NICN1: variants seen among roughly 807,000 people sequenced by gnomAD.
NICN1 encodes the protein nicolin 1, tubulin polyglutamylase complex subunit, also known as nicolin-1.
Under a neutral mutation model 26.3 loss-of-function variants are expected in NICN1, and 18 were observed. The observed-to-expected ratio is 0.68, with a 90% CI of 0.47 to 1.01. The LOEUF (loss-of-function observed/expected upper bound fraction) is 1.01. NICN1 is among the 50% of genes least tolerant of loss of function. NICN1 has a pLI of 0.00. For missense variants in NICN1, 239 were observed against 278.3 expected (o/e 0.86, Z 1.00); for synonymous variants, 109 against 111.0 (o/e 0.98, Z 0.11).
chr3:49,422,499 A>C lies in NICN1; in HGVS notation c.*2334T>G. ...GGCGCACAGAGGCCACCACACTGCC[A>C]GGCACGCCGGGAGATGTAGTCCAGG... is the stretch of plus-strand genomic sequence containing the variant. On this transcript the variant is annotated 3_prime_UTR_variant, in exon 6 of 6. Coordinates refer to ENST00000273598, the MANE Select transcript of NICN1 (RefSeq NM_032316.3). 6.3e-7 allele frequency: 1 copy of C among 1,577,186 alleles called. No individual in the cohort carries two copies. Among genetic ancestry groups the C allele is most frequent in the Middle Eastern group, 1.7e-4 (1 of 6,008 alleles).
intron 3 of NICN1, 90 bp from the exon 4 acceptor site, chr3:49,425,528 G>T: frequency 3.7e-6 from 4 of 1,085,786 alleles, no homozygotes; most frequent in East Asian, 2.5e-5. Flanking sequence ...GAGAAGGGCC[G>T]CTGGGCCTCA....
intron 1 of NICN1, among the ~76,000 whole-genome samples, chr3:49,427,644 G>GAAAAAAAAAAAAA (rs58773326): frequency 1.9e-5 from 2 of 102,822 alleles, no homozygotes; most frequent in Admixed American, 1.1e-4. Context: ...CTACCTCTCA[G>GAAAAAAAAAAAAA]AAAAAAAAAA....
At position 49,425,392 on chromosome 3, in the gene NICN1, C is replaced by G. The variant is rs776139122; in HGVS notation, c.470G>C (p.Cys157Ser). 1.2e-6 allele frequency: 2 copies of G among 1,613,336 alleles called. No individual in the cohort carries two copies. The highest frequency in any genetic ancestry group is 4.5e-5 in the East Asian group (2 of 44,864). ...FPKWLSHPVPCEQPALLREGL... is the reference protein window; with the variant it reads ...FPKWLSHPVPSEQPALLREGL... ...CTCACGGAGGAGTGCAGGTTGCTCACAGGGCACTGGGTGGGAGAGCCACTT... is the reference window on the plus strand; with the variant it reads ...CTCACGGAGGAGTGCAGGTTGCTCAGAGGGCACTGGGTGGGAGAGCCACTT... The change falls in exon 4 of 6, where the codon TGT becomes TCT. Residue 157 changes from cysteine (C) to serine (S), a missense_variant. Cys to Ser is a moderately radical substitution (Grantham distance 112). Transcript: ENST00000273598.
In NICN1 at chr3:49,422,525, C is replaced by G; in HGVS notation, c.*2308G>C. The G allele has an allele frequency of 1.4e-6, 2 of 1,473,688 alleles. No homozygotes were observed. The highest frequency in any genetic ancestry group is 1.9e-6 in the Non-Finnish European group (2 of 1,068,318). The allele number at this position is 1,473,688 out of a possible 1,614,324, so 91.3% of individuals were successfully genotyped here. A position where few individuals can be genotyped will look rare whatever the true frequency, so the allele number is the denominator to read the frequency against. ...GGCACGCCGGGAGATGTAGTCCAGGCCTCTGCTCGGACAGGTCTCTCTCCG... is the reference window on the plus strand; with the variant it reads ...GGCACGCCGGGAGATGTAGTCCAGGGCTCTGCTCGGACAGGTCTCTCTCCG... On this transcript the variant is annotated 3_prime_UTR_variant, in exon 6 of 6. Coordinates refer to ENST00000273598, the MANE Select transcript of NICN1 (RefSeq NM_032316.3).
Position 49,429,102 on chromosome 3 carries a change from GC to G in NICN1, c.132+5del. 6.2e-7 allele frequency: 1 copy of G among 1,600,972 alleles called. No individual in the cohort carries two copies. The highest frequency in any genetic ancestry group is 8.5e-7 in the Non-Finnish European group (1 of 1,173,736). ...AGCCTCGGTCGCGCCCACCAGGCTT[GC>G]TCACCTCGAAGGGAGCGACGCTGGG... On this transcript the variant is annotated splice_donor_5th_base_variant and intron_variant, in intron 1 of 5. Coordinates refer to ENST00000273598, the MANE Select transcript of NICN1 (RefSeq NM_032316.3).
intron 4 of NICN1, 31 bp from the exon 5 acceptor site, chr3:49,425,084 G>T (rs752042925): frequency 1.3e-6 from 2 of 1,576,160 alleles, no homozygotes; most frequent in African/African-American, 2.7e-5. Context: ...AGTGGCCATG[G>T]GTCTCTCCCC....
Position 49,426,207 on chromosome 3 carries a change from A to G in NICN1, c.309+45T>C, listed in dbSNP as rs139249533. ...TTGATCCAATCCCCCCACCTCTGGTAAGTCCTCATCTGGGCTGCCCTGGCC... is the reference window on the plus strand; with the variant it reads ...TTGATCCAATCCCCCCACCTCTGGTGAGTCCTCATCTGGGCTGCCCTGGCC... On this transcript the variant is annotated intron_variant, in intron 2 of 5. Coordinates refer to ENST00000273598, the MANE Select transcript of NICN1 (RefSeq NM_032316.3). 64 of 1,588,886 alleles carry G rather than the reference A, an allele frequency of 4.0e-5. No homozygotes were observed. In the African/African-American group the frequency reaches 7.9e-4, roughly 20 times the overall value.
At position 49,422,441 on chromosome 3, in the gene NICN1, C is replaced by T. The variant is rs753829515; in HGVS notation, c.*2392G>A. 6.2e-6 allele frequency: 10 copies of T among 1,613,284 alleles called. No individual in the cohort carries two copies. The highest frequency in any genetic ancestry group is 7.6e-6 in the Non-Finnish European group (9 of 1,179,946). ...CCCAGACGGGCCACCACACTTACAG[C>T]CCTCTGCATCGTCGCCTGCAACGAG... On this transcript the variant is annotated 3_prime_UTR_variant, in exon 6 of 6. Coordinates refer to ENST00000273598, the MANE Select transcript of NICN1 (RefSeq NM_032316.3).
chr3:49,429,313 C>G lies in NICN1; in HGVS notation c.-74G>C. 6.7e-7 allele frequency: 1 copy of G among 1,482,500 alleles called. No individual in the cohort carries two copies. The highest frequency in any genetic ancestry group is 9.0e-7 in the Non-Finnish European group (1 of 1,109,694). The allele number at this position is 1,482,500 out of a possible 1,614,324, so 91.8% of individuals were successfully genotyped here. A position where few individuals can be genotyped will look rare whatever the true frequency, so the allele number is the denominator to read the frequency against. ...CACCAGCCCTTCCCGGCATCCTCAG[C>G]CGAGCCTCAAGAACTACAAATCCCG... On this transcript the variant is annotated 5_prime_UTR_variant, in exon 1 of 6. Transcript: ENST00000273598.
At chr3:49,426,110 G>T in intron 2 of NICN1, 114 bp from the exon 3 acceptor site, 1 of 1,102,336 alleles carries the variant, frequency 9.1e-7, no homozygotes, top group East Asian at 2.5e-5. Context: ...GGAAGGAACA[G>T]TAGTCCCTCC....
At chr3:49,425,463 T>C in intron 3 of NICN1, 25 bp from the exon 4 acceptor site, 2 of 1,584,946 alleles carry the variant, frequency 1.3e-6, no homozygotes, top group Non-Finnish European at 8.6e-7. Flanking sequence ...TGTACTGCCC[T>C]GAGTGAGACA....
chr3:49,426,030 C>A (rs2107941962), intron 2 of NICN1, 34 bp from the exon 3 acceptor site: 3 of 1,410,074 alleles, frequency 2.1e-6, no homozygotes, highest in South Asian at 1.2e-5. Flanking sequence ...AGCAAGGATC[C>A]AGCTCACTGC....
chr3:49,422,399 A>T lies in NICN1; in HGVS notation c.*2434T>A. ...AGTGGACGACACAAGGCCGGGGGGAATGCCTGCAGGCGAAAGCCCAGACGG... is the reference window on the plus strand; with the variant it reads ...AGTGGACGACACAAGGCCGGGGGGATTGCCTGCAGGCGAAAGCCCAGACGG... On this transcript the variant is annotated 3_prime_UTR_variant, in exon 6 of 6. Coordinates refer to ENST00000273598, the MANE Select transcript of NICN1 (RefSeq NM_032316.3). The T allele has an allele frequency of 6.2e-7, 1 of 1,613,810 alleles. No individual in the cohort carries two copies. Among genetic ancestry groups the T allele is most frequent in the African/African-American group, 1.3e-5 (1 of 75,030 alleles).
intron 1 of NICN1, among the ~76,000 whole-genome samples, chr3:49,427,366 G>A (rs2049182353): frequency 6.6e-6 from 1 of 151,528 alleles, no homozygotes; most frequent in Non-Finnish European, 1.5e-5. Flanking sequence ...GCTGGGTGCA[G>A]TGGCTTACAT....
intron 4 of NICN1, 126 bp downstream of exon 4, chr3:49,425,241 C>T: frequency 1.1e-6 from 1 of 881,126 alleles, no homozygotes; most frequent in South Asian, 1.4e-5. Flanking sequence ...CACAGAATAC[C>T]CAGGAGGAAG....
rs763022081 is a variant in NICN1, at chr3:49,426,288, C to T, written c.273G>A (p.Glu91=). Residue 91 remains glutamate, a synonymous_variant, in exon 2 of 6, where the codon GAG becomes GAA. Coordinates refer to ENST00000273598, the MANE Select transcript of NICN1 (RefSeq NM_032316.3). The stretch of plus-strand genomic sequence containing the variant: ...ACAGCGATACATACTCCTGGGCTCC[C>T]TCCTCACTGTGTGGGTCAGGCATTA... ...YCLMPDPHSE[E]GAQEYVSLFK... The T allele has an allele frequency of 8.1e-6, 13 of 1,614,122 alleles. No homozygotes were observed. Among genetic ancestry groups the T allele is most frequent in the African/African-American group, 1.3e-5 (1 of 74,944 alleles).
At position 49,424,153 on chromosome 3, in the gene NICN1, G is replaced by C. The variant is rs1418665708; in HGVS notation, c.*680C>G. ...GGCGTGAGCCACTGCACCCTGCCTAGAAGGGTCCCAGTTCTTATGCTCAGG... is the reference window on the plus strand; with the variant it reads ...GGCGTGAGCCACTGCACCCTGCCTACAAGGGTCCCAGTTCTTATGCTCAGG... On this transcript the variant is annotated 3_prime_UTR_variant, in exon 6 of 6. Transcript: ENST00000273598. 6.5e-6 allele frequency: 1 copy of C among 153,540 alleles called. No homozygotes were observed. The highest frequency in any genetic ancestry group is 2.4e-5 in the African/African-American group (1 of 41,468). 9.5% of individuals were successfully genotyped at this position (153,540 alleles called of 1,614,324 possible). A position where few individuals can be genotyped will look rare whatever the true frequency, so the allele number is the denominator to read the frequency against.
In NICN1 at chr3:49,426,244, C is replaced by T; in HGVS notation, c.309+8G>A. 6.2e-7 allele frequency: 1 copy of T among 1,613,550 alleles called. No individual in the cohort carries two copies. Among genetic ancestry groups the T allele is most frequent in the Non-Finnish European group, 8.5e-7 (1 of 1,179,734 alleles). On this transcript the variant is annotated splice_region_variant and intron_variant, in intron 2 of 5. Coordinates refer to ENST00000273598, the MANE Select transcript of NICN1 (RefSeq NM_032316.3). ...GGGCTGCCCTGGCCATCCTGAGGCC[C>T]AGCTGACCTGATGCTTGAACAGCGA...
At chr3:49,425,262 AG>A in intron 4 of NICN1, 104 bp downstream of exon 4, 1 of 1,010,032 alleles carries the variant, frequency 9.9e-7, no homozygotes, top group Non-Finnish European at 1.5e-6. Flanking sequence ...ATAACACCCA[AG>A]GGCCCTGGGC....
Sources: allele counts gnomAD v4.1 joint callset (sites outside exome capture counted in the v4.1 genomes callset), GRCh38; gene constraint gnomAD v4.1.1; transcripts MANE v1.5; gene names NCBI Gene and HGNC (gene_info 2026-07-23, HGNC 2026-07-21).